Variants in AP3D1 observed in about 807,000 individuals in gnomAD.
AP3D1 encodes AP-3 complex subunit delta-1.
Under a neutral mutation model 147.6 loss-of-function variants are expected in AP3D1, and 51 were observed. The ratio of observed to expected loss-of-function variants is 0.35; its 90% CI spans 0.28 to 0.44. The LOEUF (loss-of-function observed/expected upper bound fraction) is 0.44. AP3D1 is among the 20% of genes least tolerant of loss of function. The probability of loss-of-function intolerance (pLI) is 1.00; values close to 1 mark genes in which losing one functional copy is unlikely to be tolerated. For missense variants in AP3D1, 1,421 were observed against 1,624.2 expected, an observed-to-expected ratio of 0.87 and a Z score of 2.15; for synonymous variants, 760 against 663.0, an observed-to-expected ratio of 1.15 and a Z score of -2.25.
chr19:2,116,820 G>T (rs1432418131), intron 16 of AP3D1, 74 bp from the exon 17 acceptor site: 5 of 1,487,486 alleles, frequency 3.4e-6, no homozygotes, highest in South Asian at 1.4e-5. Context: ...CCCTGAGCAG[G>T]CTCACCACGT....
At chr19:2,119,982 G>A (rs1353658501) in intron 14 of AP3D1, among the ~76,000 whole-genome samples, 2 of 152,268 alleles carry the variant, frequency 1.3e-5, no homozygotes, top group African/African-American at 4.8e-5. Context: ...AATGACAGAA[G>A]TGCTCATCTC....
chr19:2,111,801 GCTT>G lies in AP3D1; in HGVS notation c.2812_2814del (p.Lys938del), dbSNP rs1422403091. On this transcript the variant is annotated inframe_deletion, in exon 25 of 32. Coordinates refer to ENST00000643116, the MANE Select transcript of AP3D1 (RefSeq NM_001261826.3). The stretch of plus-strand genomic sequence containing the variant: ...GTCCGCTCCTCCTTCTCCTTCCTGT[GCTT>G]CTTCTTCTTAGGCTTGGGAGATTTC... 3.1e-6 allele frequency: 5 copies of G among 1,613,906 alleles called. No homozygotes were observed. Among genetic ancestry groups the G allele is most frequent in the Non-Finnish European group, 3.4e-6 (4 of 1,179,936 alleles).
At chr19:2,139,479 C>T (rs992541254) in intron 1 of AP3D1, among the ~76,000 whole-genome samples, 3 of 152,172 alleles carry the variant, frequency 2.0e-5, no homozygotes, top group African/African-American at 4.8e-5. Flanking sequence ...CTGACCCAAG[C>T]GAACTCAGGC....
chr19:2,120,370 T>A (rs903065168), intron 14 of AP3D1, among the ~76,000 whole-genome samples: 1 of 152,080 alleles, frequency 6.6e-6, no homozygotes, highest in Non-Finnish European at 1.5e-5. Flanking sequence ...ACCTGGAACC[T>A]GGCACTGAGA....
At position 2,121,550 on chromosome 19, in the gene AP3D1, C is replaced by T. The variant is rs10413234; in HGVS notation, c.1101+184G>A. On this transcript the variant is annotated intron_variant, in intron 12 of 31. Transcript: ENST00000643116. Reference sequence around the variant, plus strand: ...TGTTCTGCAGGCTCGGCCCCGCCCCCTCCACACAGGCCCTGGAAGACAGGC... The same window carrying T: ...TGTTCTGCAGGCTCGGCCCCGCCCCTTCCACACAGGCCCTGGAAGACAGGC... Among the ~76,000 whole-genome samples the T allele has an allele frequency of 0.035, 5,342 of 152,310 alleles. 312 individuals are homozygous for T. The highest frequency in any genetic ancestry group is 0.12 in the African/African-American group (4,961 of 41,540).
intron 17 of AP3D1, 36 bp downstream of exon 17, chr19:2,116,569 G>T: frequency 6.5e-7 from 1 of 1,536,794 alleles, no homozygotes; most frequent in Non-Finnish European, 8.7e-7. Flanking sequence ...CAGGAGGGAG[G>T]AGACGAGGGC....
In AP3D1 at chr19:2,127,133, G is replaced by A; in HGVS notation, c.856+19C>T. The A allele has an allele frequency of 6.2e-7, 1 of 1,613,522 alleles. No homozygotes were observed. Among genetic ancestry groups the A allele is most frequent in the Non-Finnish European group, 8.5e-7 (1 of 1,179,628 alleles). On this transcript the variant is annotated intron_variant, in intron 9 of 31. Coordinates refer to ENST00000643116, the MANE Select transcript of AP3D1 (RefSeq NM_001261826.3). Reference sequence around the variant, plus strand: ...TGGCAGTGCCAGCCCTTCCAGATGGGGAGAGTGCCAGTTCTCACCTGCAAT... The same window carrying A: ...TGGCAGTGCCAGCCCTTCCAGATGGAGAGAGTGCCAGTTCTCACCTGCAAT...
chr19:2,124,732 G>A (rs1054246853), intron 9 of AP3D1, among the ~76,000 whole-genome samples: 9 of 152,204 alleles, frequency 5.9e-5, no homozygotes, highest in African/African-American at 1.2e-4. Context: ...CCTGAGGTCA[G>A]GAGTTCAAGA....
Position 2,109,294 on chromosome 19 carries a change from G to A in AP3D1, c.3351-87C>T, listed in dbSNP as rs886838366. On this transcript the variant is annotated intron_variant, in intron 29 of 31. Transcript: ENST00000643116. Reference sequence around the variant, plus strand: ...GAGGCCAACAAAACCTGCCACACACGCTGCGCTTGGACACCCTCCTGTGTG... The same window carrying A: ...GAGGCCAACAAAACCTGCCACACACACTGCGCTTGGACACCCTCCTGTGTG... 132 of 1,475,580 alleles carry A rather than the reference G, an allele frequency of 8.9e-5. No individual in the cohort carries two copies. The South Asian group carries it at 9.5e-4, about 11-fold the overall frequency. The allele number at this position is 1,475,580 out of a possible 1,614,324, so 91.4% of individuals were successfully genotyped here. A position where few individuals can be genotyped will look rare whatever the true frequency, so the allele number is the denominator to read the frequency against.
chr19:2,112,723 G>A, intron 24 of AP3D1, 137 bp downstream of exon 24: 1 of 594,248 alleles, frequency 1.7e-6, no homozygotes, highest in East Asian at 3.0e-5. Context: ...CACAACAAAA[G>A]GCCCGTGAGA....
intron 9 of AP3D1, among the ~76,000 whole-genome samples, chr19:2,126,782 T>C (rs1251034728): frequency 6.6e-6 from 1 of 151,986 alleles, no homozygotes; most frequent in African/African-American, 2.4e-5. Context: ...TGCAGTGTAC[T>C]GTGAGAGCGG....
intron 31 of AP3D1, among the ~76,000 whole-genome samples, chr19:2,107,867 G>T (rs539409356): frequency 6.6e-6 from 1 of 152,118 alleles, no homozygotes; most frequent in African/African-American, 2.4e-5. Flanking sequence ...GCGCGAATAC[G>T]GCACGCACCG....
At chr19:2,146,252 A>C (rs2019353186) in intron 1 of AP3D1, among the ~76,000 whole-genome samples, 1 of 152,206 alleles carries the variant, frequency 6.6e-6, no homozygotes, top group Non-Finnish European at 1.5e-5. Context: ...TTAAGTGATA[A>C]AACTACAAGC....
At chr19:2,114,622 G>GCCCCCCCCCCCCCCCCCCCCCCCCCCCC in intron 21 of AP3D1, 126 bp downstream of exon 21, 2 of 665,752 alleles carry the variant, frequency 3.0e-6, no homozygotes, top group Non-Finnish European at 5.3e-6. Flanking sequence ...TCTGGGGAAG[G>GCCCCCCCCCCCCCCCCCCCCCCCCCCCC]CCCGCCCGCA....
rs755474562 is a variant in AP3D1, at chr19:2,118,648, G to T, written c.1666C>A (p.Arg556=). The change falls in exon 15 of 32, where the codon CGG becomes AGG. Residue 556 remains arginine (R), a synonymous_variant. Transcript: ENST00000643116. ...AQAVTQLMVD[R]LPQFVQSADL... is the part of the protein sequence containing the mutation. ...GCGCTCTGCACAAACTGGGGCAGCC[G>T]GTCCACCATGAGCTGGGTGACGGCC... 1 of 1,612,472 alleles carries T rather than the reference G, an allele frequency of 6.2e-7. No individual in the cohort carries two copies. Among genetic ancestry groups the T allele is most frequent in the South Asian group, 1.1e-5 (1 of 91,082 alleles).
At chr19:2,146,744 G>C (rs534884965) in intron 1 of AP3D1, among the ~76,000 whole-genome samples, 1 of 152,174 alleles carries the variant, frequency 6.6e-6, no homozygotes, top group Non-Finnish European at 1.5e-5. Flanking sequence ...CACGGGGGAC[G>C]AGGGCACCTG....
chr19:2,114,280 G>A lies in AP3D1; in HGVS notation c.2446C>T (p.Leu816=). 6.2e-7 allele frequency: 1 copy of A among 1,611,228 alleles called. No individual in the cohort carries two copies. The highest frequency in any genetic ancestry group is 1.1e-5 in the South Asian group (1 of 90,974). ...LDKPLADSEK[L]PIQKHRNTET... ...GTGTTTCTGTGTTTCTGAATAGGCA[G>A]TTTCTCGCTGTCGGCTAAGGGCCTG... The change falls in exon 22 of 32, where the codon CTG becomes TTG. Residue 816 remains leucine, a synonymous_variant. Coordinates refer to ENST00000643116, the MANE Select transcript of AP3D1 (RefSeq NM_001261826.3).
At chr19:2,162,699 A>G (rs1156987582) in intron 1 of AP3D1, among the ~76,000 whole-genome samples, 1 of 151,788 alleles carries the variant, frequency 6.6e-6, no homozygotes, top group Admixed American at 6.6e-5. Context: ...AAAACCCCAA[A>G]AAACAGTACA....
In AP3D1 at chr19:2,109,949, C is replaced by T; in HGVS notation, c.3274G>A (p.Gly1092Ser). 1 of 1,613,568 alleles carries T rather than the reference C, an allele frequency of 6.2e-7. No homozygotes were observed. Among genetic ancestry groups the T allele is most frequent in the Non-Finnish European group, 8.5e-7 (1 of 1,179,932 alleles). The change falls in exon 29 of 32, where the codon GGT becomes AGT. Residue 1092 changes from glycine to serine, a missense_variant. This residue lies in a region of AP3D1 where 791 missense variants were observed against 761.4 expected (regional missense o/e 1.04). Coordinates refer to ENST00000643116, the MANE Select transcript of AP3D1 (RefSeq NM_001261826.3). ...AAGTCCAGCTTCTCGTGGGTCGCAC[C>T]CTCGTCATTCTGCGGTGGAGTGAAG... is the stretch of plus-strand genomic sequence containing the variant. ...TLSFIAKNDE[G>S]ATHEKLDFRL...
Sources: gnomAD v4.1 joint callset for allele counts (sites outside exome capture counted in the v4.1 genomes callset) on GRCh38, gnomAD v4.1.1 for gene constraint, gnomAD v4.1.1 regional missense constraint, MANE v1.5 for transcripts, NCBI Gene and HGNC (gene_info 2026-07-23, HGNC 2026-07-21) for gene names.